FKBP7: variants seen among roughly 807,000 people sequenced by gnomAD.
FKBP7 encodes the protein FKBP prolyl isomerase 7.
FKBP7 carries 24 observed loss-of-function variants against 24.3 expected under a neutral mutation model. The ratio of observed to expected loss-of-function variants is 0.99; its 90% CI spans 0.72 to 1.39. The LOEUF is 1.39. FKBP7 is among the 40% of genes most tolerant of loss of function. The pLI, the probability that FKBP7 is intolerant of heterozygous loss-of-function variation, is 0.00. For missense variants in FKBP7, 257 were observed against 269.5 expected (o/e 0.95, Z 0.33); for synonymous variants, 98 against 92.8 (o/e 1.06, Z -0.32).
At chr2:178,469,265 C>T (rs1438031933) in intron 3 of FKBP7, among the ~76,000 whole-genome samples, 2 of 152,190 alleles carry the variant, frequency 1.3e-5, no homozygotes, top group Non-Finnish European at 2.9e-5. Context: ...CTTTCTAGCC[C>T]ACTCAATTCA....
rs1471590390 is a variant in FKBP7, at chr2:178,465,133, T to C, written c.*637A>G. On this transcript the variant is annotated 3_prime_UTR_variant, in exon 4 of 4. Transcript: ENST00000424785. ...GCTTGCTATAAGAGGCAAAAAGTCT[T>C]TGGTTTGGTCAAATATTTTTAAACA... 2 of 152,238 alleles carry C rather than the reference T, an allele frequency of 1.3e-5. No homozygotes were observed. Among genetic ancestry groups the C allele is most frequent in the South Asian group, 2.1e-4 (1 of 4,818 alleles). 9.4% of individuals were successfully genotyped at this position (152,238 alleles called of 1,614,324 possible).
Position 178,465,851 on chromosome 2 carries a change from A to G in FKBP7, c.588T>C (p.Asp196=), listed in dbSNP as rs773761487. The part of the protein sequence containing the change: ...DKSYQDAVLE[D]IFKKNDHDGD... ...CATCATGGTCATTCTTCTTAAAAAT[A>G]TCTTCTAAAACTGCATCCTGATATG... The change falls in exon 4 of 4, where the codon GAT becomes GAC. Residue 196 remains aspartate (D), a synonymous_variant. Coordinates refer to ENST00000424785, the MANE Select transcript of FKBP7 (RefSeq NM_181342.3). 6 of 1,612,608 alleles carry G rather than the reference A, an allele frequency of 3.7e-6. 1 individual carries two copies. The South Asian group carries it at 5.5e-5, about 15-fold the overall frequency.
In FKBP7 at chr2:178,469,709, G is replaced by A. The variant is rs2154126766; in HGVS notation, c.450C>T (p.Ser150=). The A allele has an allele frequency of 6.2e-7, 1 of 1,613,894 alleles. No homozygotes were observed. Among genetic ancestry groups the A allele is most frequent in the East Asian group, 2.2e-5 (1 of 44,858 alleles). The change falls in exon 3 of 4, where the codon AGC becomes AGT. Residue 150 remains serine, a synonymous_variant. Transcript: ENST00000424785. Reference sequence around the variant, plus strand: ...TGTCTATTTGTTTAAATGTCTCAATGCTCCGTGGTCCTTTGGTCACAGCAT... The same window carrying A: ...TGTCTATTTGTTTAAATGTCTCAATACTCCGTGGTCCTTTGGTCACAGCAT... ...ELYAVTKGPR[S]IETFKQIDMD... is the part of the protein sequence containing the mutation.
At chr2:178,477,942 C>CA (rs1212865737) in intron 1 of FKBP7, among the ~76,000 whole-genome samples, 10 of 152,136 alleles carry the variant, frequency 6.6e-5, no homozygotes, top group Admixed American at 3.3e-4. Flanking sequence ...CGTAAAGACT[C>CA]AATACTTCTG....
At chr2:178,469,180 T>C (rs762331991) in intron 3 of FKBP7, among the ~76,000 whole-genome samples, 2 of 152,142 alleles carry the variant, frequency 1.3e-5, no homozygotes, top group Non-Finnish European at 2.9e-5. Flanking sequence ...CAATTATCAT[T>C]ATTATTACAA....
chr2:178,475,446 T>C (rs1684972792), intron 2 of FKBP7, among the ~76,000 whole-genome samples: 1 of 152,086 alleles, frequency 6.6e-6, no homozygotes, highest in African/African-American at 2.4e-5. Flanking sequence ...GCCAGACTGG[T>C]CTCGAACTCC....
chr2:178,472,698 A>C (rs1684882049), intron 2 of FKBP7, among the ~76,000 whole-genome samples: 1 of 151,814 alleles, frequency 6.6e-6, no homozygotes, highest in Non-Finnish European at 1.5e-5. Flanking sequence ...AAAATACAAA[A>C]ATTAGCCAGG....
In FKBP7 at chr2:178,465,898, C is replaced by G; in HGVS notation, c.541G>C (p.Asp181His). 1.2e-6 allele frequency: 2 copies of G among 1,603,924 alleles called. No homozygotes were observed. The highest frequency in any genetic ancestry group is 1.7e-6 in the Non-Finnish European group (2 of 1,176,900). Residue 181 changes from aspartate (D) to histidine (H), a missense_variant, in exon 4 of 4, where the codon GAT becomes CAT. By Grantham distance (81) the Asp-to-His change is moderately conservative (BLOSUM62 -1). Transcript: ENST00000424785. ...NLYLQREFEK[D>H]EKPRDKSYQD... Reference sequence around the variant, plus strand: ...TATGACTTGTCACGTGGCTTCTCATCTTTTTCAAATTCCCTTTGCAAGTAG... The same window carrying G: ...TATGACTTGTCACGTGGCTTCTCATGTTTTTCAAATTCCCTTTGCAAGTAG...
intron 2 of FKBP7, 44 bp downstream of exon 2, chr2:178,477,018 T>G (rs1685028462): frequency 7.1e-7 from 1 of 1,413,170 alleles, no homozygotes; most frequent in African/African-American, 1.5e-5. Context: ...ATTAATCATT[T>G]TTTAAATATA....
chr2:178,473,205 A>C (rs1032717312), intron 2 of FKBP7: 3 of 656,614 alleles, frequency 4.6e-6, no homozygotes, highest in Admixed American at 2.4e-5. Context: ...TGCTTATTTA[A>C]TCAAGAGGTT....
intron 1 of FKBP7, among the ~76,000 whole-genome samples, chr2:178,477,828 G>C (rs918662492): frequency 1.3e-5 from 2 of 152,152 alleles, no homozygotes; most frequent in African/African-American, 4.8e-5. Context: ...CCCACCAGAA[G>C]TCACCAGGGA....
intron 2 of FKBP7, 104 bp from the exon 3 acceptor site, chr2:178,469,889 T>C (rs1684800906): frequency 1.1e-6 from 1 of 885,862 alleles, no homozygotes; most frequent in Non-Finnish European, 1.6e-6. Flanking sequence ...TTGATAAGAA[T>C]TGCTATCTGA....
chr2:178,465,633 CA>C lies in FKBP7; in HGVS notation c.*136del. 1.4e-6 allele frequency: 1 copy of C among 719,008 alleles called. No homozygotes were observed. Among genetic ancestry groups the C allele is most frequent in the East Asian group, 3.3e-5 (1 of 30,070 alleles). The allele number at this position is 719,008 out of a possible 1,614,324, so 44.5% of individuals were successfully genotyped here. ...CAAAACAGCCTCACATTTATTATAC[CA>C]AAATCAATGTATTGGGGAGATCAAA... is the stretch of plus-strand genomic sequence containing the variant. On this transcript the variant is annotated 3_prime_UTR_variant, in exon 4 of 4. Coordinates refer to ENST00000424785, the MANE Select transcript of FKBP7 (RefSeq NM_181342.3).
intron 2 of FKBP7, among the ~76,000 whole-genome samples, chr2:178,472,624 T>C (rs1034919577): frequency 6.6e-6 from 1 of 151,644 alleles, no homozygotes; most frequent in Non-Finnish European, 1.5e-5. Flanking sequence ...GAGGGCGAGA[T>C]CAGCCTGGCT....
intron 2 of FKBP7, 76 bp from the exon 3 acceptor site, chr2:178,469,861 A>C: frequency 1.7e-6 from 2 of 1,150,192 alleles, no homozygotes; most frequent in South Asian, 3.6e-5. Context: ...TGCCATAACC[A>C]TATTATATTA....
At position 178,478,359 on chromosome 2, in the gene FKBP7, A is replaced by T; in HGVS notation, c.141T>A (p.Ser47=). 6.2e-7 allele frequency: 1 copy of T among 1,614,164 alleles called. No homozygotes were observed. Among genetic ancestry groups the T allele is most frequent in the African/African-American group, 1.3e-5 (1 of 75,034 alleles). The change falls in exon 1 of 4, where the codon TCT becomes TCA. Residue 47 remains serine (S), a synonymous_variant. Coordinates refer to ENST00000424785, the MANE Select transcript of FKBP7 (RefSeq NM_181342.3). ...IEVLHRPENC[S]KTSKKGDLLN... Reference sequence around the variant, plus strand: ...GTAGGTCTCCCTTCTTGCTTGTCTTAGAGCAGTTTTCTGGACGATGCAAAA... The same window carrying T: ...GTAGGTCTCCCTTCTTGCTTGTCTTTGAGCAGTTTTCTGGACGATGCAAAA...
At chr2:178,470,237 T>C (rs1255755898) in intron 2 of FKBP7, among the ~76,000 whole-genome samples, 1 of 152,246 alleles carries the variant, frequency 6.6e-6, no homozygotes, top group Non-Finnish European at 1.5e-5. Context: ...TGTCTTGTCA[T>C]TATTCCCTAA....
In FKBP7 at chr2:178,469,664, G is replaced by A. The variant is rs1684793379; in HGVS notation, c.495C>T (p.Leu165=). The change falls in exon 3 of 4, where the codon CTC becomes CTT. Residue 165 remains leucine (L), a synonymous_variant. Coordinates refer to ENST00000424785, the MANE Select transcript of FKBP7 (RefSeq NM_181342.3). ...KQIDMDNDRQ[L]SKAEINLYLQ... is the part of the protein sequence containing the mutation. ...TGGTTTGAATTACCTCGGCTTTAGA[G>A]AGCTGCCTGTCATTGTCCATGTCTA... The A allele has an allele frequency of 1.2e-6, 2 of 1,613,932 alleles. No individual in the cohort carries two copies. The highest frequency in any genetic ancestry group is 1.7e-6 in the Non-Finnish European group (2 of 1,179,976).
intron 3 of FKBP7, chr2:178,467,712 G>A (rs1019877136): frequency 6.6e-6 from 1 of 152,176 alleles, no homozygotes; most frequent in African/African-American, 2.4e-5. Flanking sequence ...TAGATAAGTA[G>A]ATTACTATTT....
Sources: allele counts gnomAD v4.1 joint callset (sites outside exome capture counted in the v4.1 genomes callset), GRCh38; gene constraint gnomAD v4.1.1; transcripts MANE v1.5; gene names NCBI Gene and HGNC (gene_info 2026-07-23, HGNC 2026-07-21).